Variants in PDE6B observed in about 807,000 individuals in gnomAD.
PDE6B encodes the protein rod cGMP-specific 3',5'-cyclic phosphodiesterase subunit beta.
In PDE6B, 106 loss-of-function variants were observed where a neutral mutation model predicts 109.0. That is an observed-to-expected ratio of 0.97 (90% confidence interval 0.83 to 1.14). The LOEUF is 1.14. Ranked by LOEUF, PDE6B falls within the 50% of genes most tolerant of loss-of-function variation. The probability of loss-of-function intolerance (pLI) is 0.00; values close to 1 mark genes in which losing one functional copy is unlikely to be tolerated. For missense variants in PDE6B, 1,193 were observed against 1,155.6 expected (o/e 1.03, Z -0.47); for synonymous variants, 490 against 471.3 (o/e 1.04, Z -0.51).
Position 633,900 on chromosome 4 carries a change from G to A in PDE6B, c.469-777G>A, listed in dbSNP as rs551435094. Among the ~76,000 whole-genome samples, 3 of 152,144 alleles carry A rather than the reference G, an allele frequency of 2.0e-5. No individual in the cohort carries two copies. The highest frequency in any genetic ancestry group is 7.2e-5 in the African/African-American group (3 of 41,444). The stretch of plus-strand genomic sequence containing the variant: ...TCTCAGTAACCCTCGCTGTGTCTGA[G>A]CTGAGGCAGAGCTCAGCTGACCTGT... On this transcript the variant is annotated intron_variant, in intron 1 of 21. Transcript: ENST00000496514. This position sits in a 1 kb window ranked among gnomAD's most constrained non-coding sequence, Gnocchi z 4.5.
intron 17 of PDE6B, 70 bp from the exon 18 acceptor site, chr4:664,811 A>C: frequency 8.1e-7 from 1 of 1,227,926 alleles, no homozygotes; most frequent in Non-Finnish European, 1.2e-6. Flanking sequence ...ATCTCAAAAA[A>C]GAAAACACAT....
intron 20 of PDE6B, 83 bp from the exon 21 acceptor site, chr4:667,773 G>T: frequency 7.0e-7 from 1 of 1,423,198 alleles, no homozygotes; most frequent in Non-Finnish European, 9.9e-7. Context: ...TCCCCTACGA[G>T]GGGGATGAGC....
At chr4:653,438 C>A in intron 3 of PDE6B, 1 of 801,700 alleles carries the variant, frequency 1.2e-6, no homozygotes, top group African/African-American at 1.8e-5. Flanking sequence ...CACTCTCAGA[C>A]GCTTGGCGGA....
At chr4:629,274 G>A (rs1734264254) in intron 1 of PDE6B, among the ~76,000 whole-genome samples, 1 of 152,220 alleles carries the variant, frequency 6.6e-6, no homozygotes, top group African/African-American at 2.4e-5. Flanking sequence ...CACCTGATGA[G>A]GGGGAAGCCA....
rs1191014456 is a variant in PDE6B at position 636,637 on chromosome 4, A to T, written c.711+668A>T. Among the ~76,000 whole-genome samples, 1 of 152,188 alleles carries T rather than the reference A, an allele frequency of 6.6e-6. No individual in the cohort carries two copies. Among genetic ancestry groups the T allele is most frequent in the African/African-American group, 2.4e-5 (1 of 41,448 alleles). ...CATGCAATGGCCTGGGGGCTGAGCC[A>T]CAAAGGAGAACTGTGAAGACGGCGG... is the stretch of plus-strand genomic sequence containing the variant. On this transcript the variant is annotated intron_variant, in intron 3 of 21. Coordinates refer to ENST00000496514, the MANE Select transcript of PDE6B (RefSeq NM_000283.4). The surrounding 1 kb of genome is among the most constrained non-coding windows in gnomAD (Gnocchi z 4.5).
intron 3 of PDE6B, among the ~76,000 whole-genome samples, chr4:639,985 G>A (rs903485867): frequency 1.3e-5 from 2 of 151,976 alleles, no homozygotes; most frequent in Non-Finnish European, 2.9e-5. Context: ...GCGACAGAGC[G>A]AGACTCCATC....
chr4:626,785 C>T lies in PDE6B; in HGVS notation c.468+691C>T, dbSNP rs1018867381. 7.2e-5 allele frequency among the ~76,000 whole-genome samples: 11 copies of T among 152,144 alleles called. No individual in the cohort carries two copies. Among genetic ancestry groups the T allele is most frequent in the South Asian group, 2.1e-4 (1 of 4,826 alleles). Reference sequence around the variant, plus strand: ...CATGCAAAGCCTGGGCTAGGGCAGACGCTTCCCGAGGACAGAGGCGGTCCT... The same window carrying T: ...CATGCAAAGCCTGGGCTAGGGCAGATGCTTCCCGAGGACAGAGGCGGTCCT... On this transcript the variant is annotated intron_variant, in intron 1 of 21. Coordinates refer to ENST00000496514, the MANE Select transcript of PDE6B (RefSeq NM_000283.4). The surrounding 1 kb of genome is among the most constrained non-coding windows in gnomAD (Gnocchi z 4.6).
chr4:631,525 G>A (rs990970862), intron 1 of PDE6B, among the ~76,000 whole-genome samples: 19 of 151,766 alleles, frequency 1.3e-4, no homozygotes, highest in East Asian at 5.8e-4. Flanking sequence ...GTGTGACACC[G>A]TCTGAGGGTT....
chr4:626,138 T>G lies in PDE6B; in HGVS notation c.468+44T>G. The G allele has an allele frequency of 1.0e-5, 12 of 1,183,638 alleles. No individual in the cohort carries two copies. Among genetic ancestry groups the G allele is most frequent in the Non-Finnish European group, 1.3e-5 (11 of 816,542 alleles). The allele number at this position is 1,183,638 out of a possible 1,614,324, so 73.3% of individuals were successfully genotyped here. A position where few individuals can be genotyped will look rare whatever the true frequency, so the allele number is the denominator to read the frequency against. On this transcript the variant is annotated intron_variant, in intron 1 of 21. Coordinates refer to ENST00000496514, the MANE Select transcript of PDE6B (RefSeq NM_000283.4). This position sits in a 1 kb window ranked among gnomAD's most constrained non-coding sequence, Gnocchi z 4.6. ...TCAGGGAGGCGGCTGTGTGCATCTC[T>G]TGCACCTGTCCCAGGTGTCTAAGGG...
Position 648,373 on chromosome 4 carries a change from C to T in PDE6B, c.712-5479C>T, listed in dbSNP as rs1735314085. On this transcript the variant is annotated intron_variant, in intron 3 of 21. Coordinates refer to ENST00000496514, the MANE Select transcript of PDE6B (RefSeq NM_000283.4). The surrounding 1 kb of genome is among the most constrained non-coding windows in gnomAD (Gnocchi z 4.5). The stretch of plus-strand genomic sequence containing the variant: ...CATCCTGACTTGCAGGAGGCACAGG[C>T]CTGCCTCACGGCTCTTTTTGAAAAT... Among the ~76,000 whole-genome samples, 1 of 151,276 alleles carries T rather than the reference C, an allele frequency of 6.6e-6. No individual in the cohort carries two copies. The highest frequency in any genetic ancestry group is 2.1e-4 in the South Asian group (1 of 4,808).
Position 664,228 on chromosome 4 carries a change from G to T in PDE6B, c.2129+7G>T. 2.0e-6 allele frequency: 3 copies of T among 1,511,536 alleles called. No individual in the cohort carries two copies. In the East Asian group the frequency reaches 6.8e-5, roughly 34 times the overall value. 93.6% of individuals were successfully genotyped at this position (1,511,536 alleles called of 1,614,324 possible). A position where few individuals can be genotyped will look rare whatever the true frequency, so the allele number is the denominator to read the frequency against. On this transcript the variant is annotated splice_region_variant and intron_variant, in intron 17 of 21. Coordinates refer to ENST00000496514, the MANE Select transcript of PDE6B (RefSeq NM_000283.4). ...CCCGGAAGGAGATCGTCATGTGAGC[G>T]CGGGCGGAGGGGGCACGAGGGGTCC...
chr4:662,311 C>T lies in PDE6B; in HGVS notation c.1722+70C>T, dbSNP rs1239876873. 7.4e-6 allele frequency: 7 copies of T among 951,384 alleles called. No homozygotes were observed. The East Asian group carries it at 1.3e-4, about 18-fold the overall frequency. 58.9% of individuals were successfully genotyped at this position (951,384 alleles called of 1,614,324 possible). A position where few individuals can be genotyped will look rare whatever the true frequency, so the allele number is the denominator to read the frequency against. ...TACCAAGGGCAGCACTCAAGCACCC[C>T]GAGGGATGAGATGGGGGTCCTCCCA... On this transcript the variant is annotated intron_variant, in intron 13 of 21. Transcript: ENST00000496514. This position sits in a 1 kb window ranked among gnomAD's most constrained non-coding sequence, Gnocchi z 4.3.
At position 664,122 on chromosome 4, in the gene PDE6B, C is replaced by T. The variant is rs756335597; in HGVS notation, c.2030C>T (p.Ala677Val). 2.5e-6 allele frequency: 4 copies of T among 1,603,598 alleles called. No individual in the cohort carries two copies. Among genetic ancestry groups the T allele is most frequent in the Non-Finnish European group, 3.4e-6 (4 of 1,170,742 alleles). ...TTGTTCCCTGGGTTCAGGAAGAGAG[C>T]GATGTTTCAGAAGATCGTGGATGAG... is the stretch of plus-strand genomic sequence containing the variant. ...TDLALYFKKR[A>V]MFQKIVDESK... The change falls in exon 17 of 22, where the codon GCG becomes GTG. Residue 677 changes from alanine to valine, a missense_variant. Coordinates refer to ENST00000496514, the MANE Select transcript of PDE6B (RefSeq NM_000283.4).
Position 664,205 on chromosome 4 carries a change from C to T in PDE6B, c.2113C>T (p.Arg705Trp), listed in dbSNP as rs745606896. The T allele has an allele frequency of 2.5e-6, 4 of 1,599,012 alleles. No individual in the cohort carries two copies. Among genetic ancestry groups the T allele is most frequent in the East Asian group, 4.5e-5 (2 of 44,794 alleles). ...WVEYLSLETT[R>W]KEIVMAMMMT... ...GGAGTACCTGTCCCTGGAGACGACC[C>T]GGAAGGAGATCGTCATGTGAGCGCG... Residue 705 changes from arginine (R) to tryptophan (W), a missense_variant, in exon 17 of 22, where the codon CGG becomes TGG. Physicochemically the swap from Arg to Trp is moderately radical, Grantham distance 101. Coordinates refer to ENST00000496514, the MANE Select transcript of PDE6B (RefSeq NM_000283.4).
At chr4:669,684 CCCCAT>C (rs1738272517) in intron 21 of PDE6B, among the ~76,000 whole-genome samples, 1 of 126,110 alleles carries the variant, frequency 7.9e-6, no homozygotes, top group East Asian at 2.2e-4. Context: ...ATTCCCGCTA[CCCCAT>C]GCTATTCCCG....
chr4:633,663 A>G lies in PDE6B; in HGVS notation c.469-1014A>G, dbSNP rs1190959270. 1.3e-5 allele frequency among the ~76,000 whole-genome samples: 2 copies of G among 152,196 alleles called. No individual in the cohort carries two copies. Among genetic ancestry groups the G allele is most frequent in the East Asian group, 3.9e-4 (2 of 5,194 alleles). On this transcript the variant is annotated intron_variant, in intron 1 of 21. Transcript: ENST00000496514. This position sits in a 1 kb window ranked among gnomAD's most constrained non-coding sequence, Gnocchi z 4.5. ...TTTGCCCCATTGACTGGTGAGGAGA[A>G]GGCCACAGAACCACCCTGTGCCCAC... is the stretch of plus-strand genomic sequence containing the variant.
rs1160178945 is a variant in PDE6B at position 648,899 on chromosome 4, G to A, written c.712-4953G>A. ...CCCCGACTCAGGTCAGGCATGGGAG[G>A]AGCGGGGGAGCCTTCTGTCTCTGCA... is the stretch of plus-strand genomic sequence containing the variant. On this transcript the variant is annotated intron_variant, in intron 3 of 21. Transcript: ENST00000496514. The surrounding 1 kb of genome is among the most constrained non-coding windows in gnomAD (Gnocchi z 4.5). Among the ~76,000 whole-genome samples the A allele has an allele frequency of 2.6e-5, 4 of 152,254 alleles. No individual in the cohort carries two copies. Among genetic ancestry groups the A allele is most frequent in the South Asian group, 2.1e-4 (1 of 4,834 alleles).
chr4:633,262 C>G lies in PDE6B; in HGVS notation c.469-1415C>G, dbSNP rs554880854. Among the ~76,000 whole-genome samples, 2 of 152,158 alleles carry G rather than the reference C, an allele frequency of 1.3e-5. No individual in the cohort carries two copies. The highest frequency in any genetic ancestry group is 2.4e-5 in the African/African-American group (1 of 41,430). Reference sequence around the variant, plus strand: ...CTGTTTCAGATCCAATAAAGGGATGCTGGCTCCACTGCCCACGCTGCCACC... The same window carrying G: ...CTGTTTCAGATCCAATAAAGGGATGGTGGCTCCACTGCCCACGCTGCCACC... On this transcript the variant is annotated intron_variant, in intron 1 of 21. Coordinates refer to ENST00000496514, the MANE Select transcript of PDE6B (RefSeq NM_000283.4). This position sits in a 1 kb window ranked among gnomAD's most constrained non-coding sequence, Gnocchi z 4.5.
rs1737959532 is a variant in PDE6B at position 667,740 on chromosome 4, CCCT to C, written c.2353-109_2353-107del. On this transcript the variant is annotated intron_variant, in intron 20 of 21. Transcript: ENST00000496514. ...GGGAAGGTGCCCCCTCCGTGGCGCT[CCCT>C]CCTCCTGCCAGGCAGTTCATCCCCT... The C allele has an allele frequency of 3.5e-6, 4 of 1,140,228 alleles. No homozygotes were observed. The Admixed American group carries it at 6.8e-5, about 19-fold the overall frequency. The allele number at this position is 1,140,228 out of a possible 1,614,324, so 70.6% of individuals were successfully genotyped here. A position where few individuals can be genotyped will look rare whatever the true frequency, so the allele number is the denominator to read the frequency against.
Sources: allele counts gnomAD v4.1 joint callset (sites outside exome capture counted in the v4.1 genomes callset), GRCh38; gene constraint gnomAD v4.1.1; non-coding constraint Gnocchi (gnomAD v3.1); transcripts MANE v1.5; gene names NCBI Gene and HGNC (gene_info 2026-07-23, HGNC 2026-07-21).